The following SEZ6L variants were observed in gnomAD, a reference collection of about 807,000 sequenced individuals.
SEZ6L encodes seizure related 6 homolog like.
Under a neutral mutation model 106.2 loss-of-function variants are expected in SEZ6L, and 37 were observed. The ratio of observed to expected loss-of-function variants is 0.35; its 90% confidence interval spans 0.27 to 0.46. SEZ6L has a LOEUF of 0.46. Ranked by LOEUF, SEZ6L falls within the 20% of genes least tolerant of loss-of-function variation. SEZ6L has a pLI of 1.00. For missense variants in SEZ6L, 1,172 were observed against 1,332.8 expected (o/e 0.88, Z 1.88); for synonymous variants, 541 against 570.4 (o/e 0.95, Z 0.73).
At chr22:26,378,120 A>T (rs1055812142) in intron 16 of SEZ6L, among the ~76,000 whole-genome samples, 5 of 152,126 alleles carry the variant, frequency 3.3e-5, no homozygotes, top group African/African-American at 1.2e-4. Context: ...ATTCAATGGC[A>T]GTGTGAAACA....
In SEZ6L at chr22:26,174,848, A is replaced by G. The variant is rs550625406; in HGVS notation, c.94+5085A>G. Among the ~76,000 whole-genome samples the G allele has an allele frequency of 2.0e-5, 3 of 152,322 alleles. No individual in the cohort carries two copies. The South Asian group carries it at 6.2e-4, about 32-fold the overall frequency. ...AGTTTAAGCAATGCAAACAGCATTT[A>G]TTGAGTGTTGATTTTGTGCCAAGCC... On this transcript the variant is annotated intron_variant, in intron 1 of 16. Coordinates refer to ENST00000248933, the MANE Select transcript of SEZ6L (RefSeq NM_021115.5).
intron 1 of SEZ6L, among the ~76,000 whole-genome samples, chr22:26,174,571 G>A (rs1938851895): frequency 6.6e-6 from 1 of 152,214 alleles, no homozygotes; most frequent in Non-Finnish European, 1.5e-5. Context: ...AATCTTCTCA[G>A]AAGGGAGCGA....
At chr22:26,180,556 A>G (rs1173515165) in intron 1 of SEZ6L, among the ~76,000 whole-genome samples, 6 of 152,258 alleles carry the variant, frequency 3.9e-5, no homozygotes, top group Non-Finnish European at 7.3e-5. Flanking sequence ...AAAAATGTGC[A>G]GTCTTCACAT....
rs375640180 is a variant in SEZ6L at position 26,347,844 on chromosome 22, G to A, written c.2338G>A (p.Val780Met). 6.4e-5 allele frequency: 102 copies of A among 1,603,606 alleles called. No homozygotes were observed. Among genetic ancestry groups the A allele is most frequent in the East Asian group, 2.7e-4 (12 of 44,128 alleles). Residue 780 changes from valine to methionine, a missense_variant, in exon 11 of 17, where the codon GTG (valine) becomes ATG (methionine). This residue lies in a region of SEZ6L where 534 missense variants were observed against 691.0 expected (regional missense o/e 0.77). Coordinates refer to ENST00000248933, the MANE Select transcript of SEZ6L (RefSeq NM_021115.5). ...CCAGTGTGACCCCGGCTATGACATC[G>A]TGGGGAGTGACACCCTCACCTGCCA... ...TYQCDPGYDI[V>M]GSDTLTCQWD...
At chr22:26,223,081 C>T (rs1188189019) in intron 1 of SEZ6L, among the ~76,000 whole-genome samples, 1 of 152,124 alleles carries the variant, frequency 6.6e-6, no homozygotes, top group Non-Finnish European at 1.5e-5. Flanking sequence ...TTTGTTGTGA[C>T]ATCTTTGTGG....
chr22:26,379,945 G>C (rs2084359845), intron 16 of SEZ6L, among the ~76,000 whole-genome samples: 1 of 152,220 alleles, frequency 6.6e-6, no homozygotes, highest in African/African-American at 2.4e-5. Context: ...GGCATTGGCT[G>C]GTTGATGGAT....
intron 1 of SEZ6L, among the ~76,000 whole-genome samples, chr22:26,265,165 C>T (rs1229169018): frequency 1.3e-5 from 2 of 152,148 alleles, no homozygotes; most frequent in South Asian, 2.1e-4. Flanking sequence ...ATCATGAAAA[C>T]TTATCCTGGG....
At position 26,292,774 on chromosome 22, in the gene SEZ6L, G is replaced by A; in HGVS notation, c.463G>A (p.Asp155Asn). ...GTCCCAGCCAGCGTCCCAGGGCCTAGATCTCCTCTCCTCCTCCACGGAGAA... is the reference window on the plus strand; with the variant it reads ...GTCCCAGCCAGCGTCCCAGGGCCTAAATCTCCTCTCCTCCTCCACGGAGAA... ...AGSQPASQGLDLLSSSTEKPG... is the reference protein window; with the variant it reads ...AGSQPASQGLNLLSSSTEKPG... The change falls in exon 2 of 17, where the codon GAT becomes AAT. Residue 155 changes from aspartate (D) to asparagine (N), a missense_variant. Transcript: ENST00000248933. 1 of 1,614,174 alleles carries A rather than the reference G, an allele frequency of 6.2e-7. No individual in the cohort carries two copies. The highest frequency in any genetic ancestry group is 2.2e-5 in the East Asian group (1 of 44,880).
intron 1 of SEZ6L, among the ~76,000 whole-genome samples, chr22:26,240,915 G>A (rs1279612477): frequency 3.3e-5 from 5 of 152,132 alleles, no homozygotes; most frequent in Admixed American, 6.5e-5. Context: ...CTAGGAAGAT[G>A]GTGACATTTG....
chr22:26,367,446 C>G (rs767271442), intron 13 of SEZ6L, among the ~76,000 whole-genome samples: 7 of 152,102 alleles, frequency 4.6e-5, no homozygotes, highest in Admixed American at 1.3e-4. Context: ...TGGGCTCAAG[C>G]TATCCTCCTA....
chr22:26,366,195 G>A (rs145902474), intron 13 of SEZ6L, among the ~76,000 whole-genome samples: 73 of 151,160 alleles, frequency 4.8e-4, no homozygotes, highest in Non-Finnish European at 7.1e-4. Flanking sequence ...TTAGCTGGGC[G>A]TAGCGGTGCA....
At chr22:26,172,288 A>C (rs978728762) in intron 1 of SEZ6L, among the ~76,000 whole-genome samples, 42 of 152,042 alleles carry the variant, frequency 2.8e-4, no homozygotes, top group Non-Finnish European at 5.4e-4. Context: ...TTCATTATGG[A>C]TTGGCATTAT....
At chr22:26,239,197 C>T (rs1201055889) in intron 1 of SEZ6L, among the ~76,000 whole-genome samples, 1 of 152,186 alleles carries the variant, frequency 6.6e-6, no homozygotes, top group Non-Finnish European at 1.5e-5. Flanking sequence ...GCTCTCCAGC[C>T]TGGGCGGCAA....
chr22:26,270,756 A>AGGCT (rs528396835), intron 1 of SEZ6L, among the ~76,000 whole-genome samples: 229 of 152,298 alleles, frequency 1.5e-3, no homozygotes, highest in African/African-American at 5.0e-3. Context: ...TGATTGCCTA[A>AGGCT]GGCTGGCTGT....
At chr22:26,229,650 C>T (rs183195430) in intron 1 of SEZ6L, among the ~76,000 whole-genome samples, 116 of 152,192 alleles carry the variant, frequency 7.6e-4, no homozygotes, top group Non-Finnish European at 1.5e-3. Context: ...CTCAGCATCC[C>T]TTAGGGAACG....
chr22:26,204,663 CT>C (rs1046866509), intron 1 of SEZ6L, among the ~76,000 whole-genome samples: 1 of 152,050 alleles, frequency 6.6e-6, no homozygotes, highest in Non-Finnish European at 1.5e-5. Flanking sequence ...GTAAGGCTTC[CT>C]TTTTTTTCTG....
intron 15 of SEZ6L, among the ~76,000 whole-genome samples, 174 bp from the exon 16 acceptor site, chr22:26,377,499 T>C (rs1439216088): frequency 2.0e-5 from 3 of 152,166 alleles, no homozygotes; most frequent in Non-Finnish European, 4.4e-5. Flanking sequence ...GCAATTATGA[T>C]TTCTGCTTTC....
rs572095653 is a variant in SEZ6L at position 26,177,859 on chromosome 22, A to G, written c.94+8096A>G. Among the ~76,000 whole-genome samples the G allele has an allele frequency of 3.3e-5, 5 of 152,214 alleles. No homozygotes were observed. The East Asian group carries it at 9.7e-4, about 29-fold the overall frequency. On this transcript the variant is annotated intron_variant, in intron 1 of 16. Coordinates refer to ENST00000248933, the MANE Select transcript of SEZ6L (RefSeq NM_021115.5). ...TTATTTGGGATTCTTATCTGCCTCA[A>G]TCCTCTCCCTGATATTTTCATTTTA...
intron 9 of SEZ6L, among the ~76,000 whole-genome samples, chr22:26,332,835 G>A (rs1455426042): frequency 2.0e-5 from 3 of 152,166 alleles, no homozygotes; most frequent in Non-Finnish European, 4.4e-5. Flanking sequence ...GTGTGTATGT[G>A]GCTTTCATGG....
Sources: gnomAD v4.1 joint callset for allele counts (sites outside exome capture counted in the v4.1 genomes callset) on GRCh38, gnomAD v4.1.1 for gene constraint, gnomAD v4.1.1 regional missense constraint, MANE v1.5 for transcripts, NCBI Gene and HGNC (gene_info 2026-07-23, HGNC 2026-07-21) for gene names.